The following SLC35F1 variants were observed in gnomAD, a reference collection of about 807,000 sequenced individuals.
SLC35F1 encodes the protein chromosome 6 open reading frame 169.
In SLC35F1, 14 loss-of-function variants were observed where a neutral mutation model predicts 48.7. That is an observed-to-expected ratio of 0.29 (90% CI 0.19 to 0.45). SLC35F1 has a LOEUF of 0.45. Ranked by LOEUF, SLC35F1 falls within the 20% of genes least tolerant of loss-of-function variation. The probability of loss-of-function intolerance (pLI) is 1.00; values close to 1 mark genes in which losing one functional copy is unlikely to be tolerated. For synonymous variants in SLC35F1, 190 were observed against 202.2 expected, an observed-to-expected ratio of 0.94 and a Z score of 0.51; for missense variants, 404 against 500.0, an observed-to-expected ratio of 0.81 and a Z score of 1.83.
intron 2 of SLC35F1, among the ~76,000 whole-genome samples, chr6:118,205,798 C>G (rs1350964181): frequency 6.6e-6 from 1 of 152,158 alleles, no homozygotes; most frequent in African/African-American, 2.4e-5. Flanking sequence ...GAATATTATT[C>G]AGCCACAAAA....
At chr6:118,070,034 G>T (rs369821074) in intron 1 of SLC35F1, among the ~76,000 whole-genome samples, 2 of 150,720 alleles carry the variant, frequency 1.3e-5, no homozygotes. Flanking sequence ...TACTCGGGAG[G>T]CTGAGGCAGG....
chr6:118,091,965 G>A (rs1773080173), intron 1 of SLC35F1, among the ~76,000 whole-genome samples: 1 of 152,156 alleles, frequency 6.6e-6, no homozygotes, highest in Non-Finnish European at 1.5e-5. Flanking sequence ...TGAGAGAGAT[G>A]ATTTAGGGTA....
At chr6:118,041,945 T>TAA (rs35415493) in intron 1 of SLC35F1, among the ~76,000 whole-genome samples, 23 of 146,862 alleles carry the variant, frequency 1.6e-4, no homozygotes, top group East Asian at 8.0e-4. Context: ...CCATCTTCTT[T>TAA]AAAAAAAAAA....
intron 2 of SLC35F1, among the ~76,000 whole-genome samples, chr6:118,161,258 C>A (rs1774228246): frequency 6.6e-6 from 1 of 151,956 alleles, no homozygotes; most frequent in Non-Finnish European, 1.5e-5. Context: ...ATCTTTGCCC[C>A]CTACTTTCAT....
chr6:118,078,058 CT>C (rs919418336), intron 1 of SLC35F1, among the ~76,000 whole-genome samples: 112 of 150,622 alleles, frequency 7.4e-4, no homozygotes, highest in Middle Eastern at 3.4e-3. Flanking sequence ...GCAATGGAAC[CT>C]TTTTTTTTAA....
chr6:117,969,298 C>G (rs952935951), intron 1 of SLC35F1, among the ~76,000 whole-genome samples: 5 of 152,062 alleles, frequency 3.3e-5, no homozygotes, highest in Non-Finnish European at 7.4e-5. Flanking sequence ...TCCATACTTT[C>G]CAAAAAACAA....
At chr6:117,932,648 T>C (rs901249857) in intron 1 of SLC35F1, among the ~76,000 whole-genome samples, 2 of 152,228 alleles carry the variant, frequency 1.3e-5, no homozygotes, top group Non-Finnish European at 2.9e-5. Context: ...ATGTACTCTG[T>C]AGTGTAATTA....
chr6:118,042,040 A>G (rs944853406), intron 1 of SLC35F1, among the ~76,000 whole-genome samples: 2 of 152,128 alleles, frequency 1.3e-5, no homozygotes, highest in Non-Finnish European at 2.9e-5. Context: ...CTTCCTGTTG[A>G]ACTCTTAGCC....
intron 1 of SLC35F1, among the ~76,000 whole-genome samples, chr6:118,081,702 T>G (rs1283689432): frequency 6.6e-6 from 1 of 152,206 alleles, no homozygotes; most frequent in Admixed American, 6.5e-5. Flanking sequence ...AATGGTATAA[T>G]CTGGCCCATT....
At chr6:118,209,308 G>A (rs991961506) in intron 2 of SLC35F1, among the ~76,000 whole-genome samples, 4 of 152,108 alleles carry the variant, frequency 2.6e-5, no homozygotes, top group Non-Finnish European at 5.9e-5. Flanking sequence ...CCTGTCTTTT[G>A]GTATAGGAGT....
At chr6:117,959,285 A>C (rs1253686213) in intron 1 of SLC35F1, among the ~76,000 whole-genome samples, 1 of 152,158 alleles carries the variant, frequency 6.6e-6, no homozygotes, top group African/African-American at 2.4e-5. Flanking sequence ...AGGATGGGGA[A>C]CTGCAAGAAG....
chr6:117,917,086 T>A (rs1416942660), intron 1 of SLC35F1, among the ~76,000 whole-genome samples: 1 of 152,010 alleles, frequency 6.6e-6, no homozygotes, highest in African/African-American at 2.4e-5. Flanking sequence ...GTACTTCAAT[T>A]TGGCTGGTCA....
At chr6:118,310,153 G>T (rs1404997606) in intron 7 of SLC35F1, among the ~76,000 whole-genome samples, 1 of 152,186 alleles carries the variant, frequency 6.6e-6, no homozygotes, top group African/African-American at 2.4e-5. Context: ...GATGGCTACA[G>T]TTTGCAAAGG....
intron 2 of SLC35F1, among the ~76,000 whole-genome samples, chr6:118,220,172 A>T (rs1447322478): frequency 6.6e-6 from 1 of 152,156 alleles, no homozygotes; most frequent in African/African-American, 2.4e-5. Context: ...ATAATAATAA[A>T]AAAATTAAAA....
intron 3 of SLC35F1, among the ~76,000 whole-genome samples, chr6:118,245,512 C>G (rs1775495986): frequency 6.6e-6 from 1 of 152,148 alleles, no homozygotes; most frequent in Non-Finnish European, 1.5e-5. Flanking sequence ...TTCTGCTGGC[C>G]TCTGCTGCTC....
intron 1 of SLC35F1, among the ~76,000 whole-genome samples, chr6:118,125,321 G>A (rs1246949535): frequency 6.8e-6 from 1 of 148,148 alleles, no homozygotes; most frequent in Non-Finnish European, 1.5e-5. Flanking sequence ...GGGAAAAGAT[G>A]CCAAGTACAT....
intron 3 of SLC35F1, among the ~76,000 whole-genome samples, chr6:118,236,181 TA>T (rs1775362763): frequency 1.3e-5 from 2 of 152,158 alleles, no homozygotes; most frequent in African/African-American, 4.8e-5. Context: ...TAAAATGTGT[TA>T]TGCGTGAAGA....
intron 1 of SLC35F1, among the ~76,000 whole-genome samples, chr6:118,075,962 C>T (rs1399681006): frequency 5.3e-5 from 8 of 152,120 alleles, no homozygotes; most frequent in Non-Finnish European, 8.8e-5. Context: ...ATACAGCTTC[C>T]ATGTGGATGA....
intron 1 of SLC35F1, among the ~76,000 whole-genome samples, chr6:118,064,443 C>G (rs1472167852): frequency 6.6e-6 from 1 of 152,180 alleles, no homozygotes; most frequent in Admixed American, 6.5e-5. Context: ...AACCACAGCA[C>G]AATAGCCATT....
Sources: gnomAD v4.1 joint callset for allele counts (sites outside exome capture counted in the v4.1 genomes callset) on GRCh38, gnomAD v4.1.1 for gene constraint, MANE v1.5 for transcripts, NCBI Gene and HGNC (gene_info 2026-07-23, HGNC 2026-07-21) for gene names.